Variants in CPPED1 observed in about 807,000 individuals in gnomAD.
CPPED1 encodes the protein serine/threonine-protein phosphatase CPPED1.
CPPED1 carries 28 observed loss-of-function variants against 28.0 expected under a neutral mutation model. The observed-to-expected ratio is 1.00, with a 90% CI of 0.74 to 1.37. The LOEUF is 1.37. Ranked by LOEUF, CPPED1 falls within the 40% of genes most tolerant of loss-of-function variation. The pLI is 0.00. For synonymous variants in CPPED1, 198 were observed against 180.2 expected, an observed-to-expected ratio of 1.10 and a Z score of -0.79; for missense variants, 504 against 416.5, an observed-to-expected ratio of 1.21 and a Z score of -1.83.
chr16:12,697,798 C>T (rs925502160), intron 3 of CPPED1, among the ~76,000 whole-genome samples: 6 of 152,170 alleles, frequency 3.9e-5, no homozygotes, highest in South Asian at 2.1e-4. Context: ...CCCCTCTAGG[C>T]GAAGCATTTC....
At chr16:12,770,026 GA>G (rs1271837002) in intron 2 of CPPED1, among the ~76,000 whole-genome samples, 1 of 152,098 alleles carries the variant, frequency 6.6e-6, no homozygotes, top group East Asian at 1.9e-4. Flanking sequence ...ACTTTAATAT[GA>G]ACAAAACGGT....
At chr16:12,666,001 C>T (rs2079823567) in intron 3 of CPPED1, among the ~76,000 whole-genome samples, 2 of 152,166 alleles carry the variant, frequency 1.3e-5, no homozygotes, top group South Asian at 4.2e-4. Context: ...TCTGTAATCC[C>T]AGCTACTCGG....
chr16:12,788,361 T>G (rs2080576726), intron 1 of CPPED1, among the ~76,000 whole-genome samples: 1 of 152,176 alleles, frequency 6.6e-6, no homozygotes, highest in Admixed American at 6.5e-5. Flanking sequence ...CATACTTAAC[T>G]TATCTCAGTT....
At chr16:12,742,934 C>A (rs942369482) in intron 2 of CPPED1, among the ~76,000 whole-genome samples, 1 of 152,178 alleles carries the variant, frequency 6.6e-6, no homozygotes, top group East Asian at 1.9e-4. Flanking sequence ...CCAGTGCAGT[C>A]ACACAGGATG....
intron 3 of CPPED1, among the ~76,000 whole-genome samples, chr16:12,679,882 T>C (rs1157180694): frequency 1.3e-5 from 2 of 152,180 alleles, no homozygotes; most frequent in African/African-American, 4.8e-5. Flanking sequence ...AATGCAATTA[T>C]CTTAAGAATC....
chr16:12,800,578 T>C (rs991937471), intron 1 of CPPED1, among the ~76,000 whole-genome samples: 1 of 152,140 alleles, frequency 6.6e-6, no homozygotes, highest in Non-Finnish European at 1.5e-5. Context: ...ATCAGACCAC[T>C]CTTTTCAAAA....
intron 2 of CPPED1, among the ~76,000 whole-genome samples, chr16:12,712,840 G>A (rs935405831): frequency 6.6e-6 from 1 of 152,114 alleles, no homozygotes; most frequent in Admixed American, 6.5e-5. Flanking sequence ...GGAAGTGGAA[G>A]GACAGAAAAC....
At chr16:12,705,720 T>C (rs1021871781) in intron 2 of CPPED1, among the ~76,000 whole-genome samples, 1 of 152,202 alleles carries the variant, frequency 6.6e-6, no homozygotes, top group Non-Finnish European at 1.5e-5. Flanking sequence ...ATCACGCCAT[T>C]GCACTCCAGC....
chr16:12,781,015 C>T, intron 2 of CPPED1, 170 bp downstream of exon 2: 1 of 611,862 alleles, frequency 1.6e-6, no homozygotes, highest in Non-Finnish European at 2.9e-6. Context: ...CTAAATATAA[C>T]ATGAGTGTGC....
chr16:12,744,590 A>G (rs575823192), intron 2 of CPPED1, among the ~76,000 whole-genome samples: 3 of 152,308 alleles, frequency 2.0e-5, no homozygotes, highest in Admixed American at 6.5e-5. Context: ...CAGGATTTCT[A>G]GGCCATGCTA....
At chr16:12,717,692 G>C (rs1438983273) in intron 2 of CPPED1, among the ~76,000 whole-genome samples, 1 of 152,096 alleles carries the variant, frequency 6.6e-6, no homozygotes, top group Non-Finnish European at 1.5e-5. Flanking sequence ...ACAGGCGGGA[G>C]TACAGAGGCA....
chr16:12,770,515 C>T (rs909143202), intron 2 of CPPED1, among the ~76,000 whole-genome samples: 3 of 152,116 alleles, frequency 2.0e-5, no homozygotes, highest in Non-Finnish European at 4.4e-5. Flanking sequence ...AGTATGATCA[C>T]GTTTGTATTT....
chr16:12,719,012 A>G (rs898679200), intron 2 of CPPED1, among the ~76,000 whole-genome samples: 1 of 152,080 alleles, frequency 6.6e-6, no homozygotes, highest in Non-Finnish European at 1.5e-5. Flanking sequence ...AGGCCTCACA[A>G]TCATGGCAGA....
chr16:12,722,388 G>A (rs1267643433), intron 2 of CPPED1, among the ~76,000 whole-genome samples: 1 of 152,234 alleles, frequency 6.6e-6, no homozygotes, highest in East Asian at 1.9e-4. Flanking sequence ...CCAGACGAAT[G>A]ACAGTTTGCA....
chr16:12,695,607 T>C (rs1482656073), intron 3 of CPPED1, among the ~76,000 whole-genome samples: 2 of 152,188 alleles, frequency 1.3e-5, no homozygotes, highest in Non-Finnish European at 2.9e-5. Flanking sequence ...AAGGTTTCTC[T>C]GTATACACAG....
At chr16:12,732,125 G>C (rs1156550211) in intron 2 of CPPED1, among the ~76,000 whole-genome samples, 1 of 150,436 alleles carries the variant, frequency 6.6e-6, no homozygotes, top group Non-Finnish European at 1.5e-5. Context: ...CTCCAGCCTG[G>C]ATGACAAACG....
chr16:12,724,693 T>G (rs1023763933), intron 2 of CPPED1, among the ~76,000 whole-genome samples: 10 of 152,146 alleles, frequency 6.6e-5, no homozygotes, highest in Non-Finnish European at 1.2e-4. Flanking sequence ...AACAGAAGGG[T>G]GTATTTCCGT....
intron 3 of CPPED1, among the ~76,000 whole-genome samples, chr16:12,668,511 CAA>C (rs1242257136): frequency 2.0e-5 from 3 of 152,072 alleles, no homozygotes; most frequent in Non-Finnish European, 4.4e-5. Context: ...TCAAAATTAC[CAA>C]CTTTTGTGCT....
rs538520938 is a variant in CPPED1, at chr16:12,689,787, C to T, written c.715+14837G>A. Among the ~76,000 whole-genome samples the T allele has an allele frequency of 2.6e-5, 4 of 152,194 alleles. No homozygotes were observed. In the South Asian group the frequency reaches 8.3e-4, roughly 32 times the overall value. On this transcript the variant is annotated intron_variant, in intron 3 of 3. Coordinates refer to ENST00000381774, the MANE Select transcript of CPPED1 (RefSeq NM_018340.3). The stretch of plus-strand genomic sequence containing the variant: ...ATCAGATTACTGATGGATTCAGAAA[C>T]AGACTCTTATGAAGATTGATAAAAT...
Sources: gnomAD v4.1 joint callset for allele counts (sites outside exome capture counted in the v4.1 genomes callset) on GRCh38, gnomAD v4.1.1 for gene constraint, MANE v1.5 for transcripts, NCBI Gene and HGNC (gene_info 2026-07-23, HGNC 2026-07-21) for gene names.